Variants in DPYSL2 observed in about 807,000 individuals in gnomAD.
DPYSL2 encodes the protein dihydropyrimidinase like 2.
DPYSL2 carries 13 observed loss-of-function variants against 69.9 expected under a neutral mutation model. That is an observed-to-expected ratio of 0.19 (90% confidence interval 0.12 to 0.30). The LOEUF (loss-of-function observed/expected upper bound fraction) is 0.30. Among genes scored for constraint, DPYSL2 ranks in the 10% least tolerant of loss-of-function variants. The pLI is 1.00. For synonymous variants in DPYSL2, 326 were observed against 359.1 expected (o/e 0.91, Z 1.04); for missense variants, 587 against 918.9 (o/e 0.64, Z 4.67).
At chr8:26,631,906 G>A (rs1428440140) in intron 7 of DPYSL2, among the ~76,000 whole-genome samples, 5 of 152,184 alleles carry the variant, frequency 3.3e-5, no homozygotes, top group Non-Finnish European at 7.3e-5. Context: ...AACCCTGTGT[G>A]GGTGATAAAG....
Position 26,614,316 on chromosome 8 carries a change from G to T in DPYSL2, c.629-9827G>T, listed in dbSNP as rs1481056792. Among the ~76,000 whole-genome samples the T allele has an allele frequency of 6.6e-6, 1 of 152,080 alleles. No homozygotes were observed. The highest frequency in any genetic ancestry group is 1.5e-5 in the Non-Finnish European group (1 of 68,002). ...AGGCACTGGCAGGATGGGGGCCAGT[G>T]TGCAGTGGGCCAAGAGGGAATGGGA... On this transcript the variant is annotated intron_variant, in intron 3 of 13. Transcript: ENST00000521913. The surrounding 1 kb of genome is among the most constrained non-coding windows in gnomAD (Gnocchi z 4.9).
chr8:26,551,618 C>G (rs559779879), intron 1 of DPYSL2, among the ~76,000 whole-genome samples: 1 of 152,152 alleles, frequency 6.6e-6, no homozygotes, highest in Non-Finnish European at 1.5e-5. Flanking sequence ...CACCCAGCAA[C>G]AGTAGAATTC....
intron 1 of DPYSL2, among the ~76,000 whole-genome samples, chr8:26,563,832 G>A (rs1418501036): frequency 6.6e-6 from 1 of 151,756 alleles, no homozygotes; most frequent in Non-Finnish European, 1.5e-5. Flanking sequence ...GGCACTTAAT[G>A]TAACCTTGCT....
intron 1 of DPYSL2, chr8:26,577,918 C>G (rs968516409): frequency 1.0e-5 from 12 of 1,157,356 alleles, no homozygotes; most frequent in Non-Finnish European, 1.3e-5. Flanking sequence ...GCATGCGCCA[C>G]GGTGGCCGAC....
chr8:26,641,428 T>C lies in DPYSL2; in HGVS notation c.1127-2011T>C, dbSNP rs1389278755. On this transcript the variant is annotated intron_variant, in intron 8 of 13. Coordinates refer to ENST00000521913, the MANE Select transcript of DPYSL2 (RefSeq NM_001197293.3). This position sits in a 1 kb window ranked among gnomAD's most constrained non-coding sequence, Gnocchi z 4.1. ...CAGGAGAGTTTTGCTTAACCAGATC[T>C]GTTTGATCCTTGAACCAAAAGCGGG... 6.6e-6 allele frequency among the ~76,000 whole-genome samples: 1 copy of C among 152,212 alleles called. No individual in the cohort carries two copies. The highest frequency in any genetic ancestry group is 2.4e-5 in the African/African-American group (1 of 41,462).
At chr8:26,557,830 C>A (rs528833071) in intron 1 of DPYSL2, among the ~76,000 whole-genome samples, 2 of 151,772 alleles carry the variant, frequency 1.3e-5, no homozygotes, top group South Asian at 2.1e-4. Context: ...AATGAGATAC[C>A]ACTACACACC....
In DPYSL2 at chr8:26,605,062, G is replaced by A. The variant is rs1292124198; in HGVS notation, c.629-19081G>A. 1.3e-5 allele frequency among the ~76,000 whole-genome samples: 2 copies of A among 152,100 alleles called. No individual in the cohort carries two copies. Among genetic ancestry groups the A allele is most frequent in the Non-Finnish European group, 2.9e-5 (2 of 68,030 alleles). ...TCTCAAAGGCGTTATGTTCTGCATT[G>A]TAAATGTGCGGAAATCAGTCACCCA... On this transcript the variant is annotated intron_variant, in intron 3 of 13. Coordinates refer to ENST00000521913, the MANE Select transcript of DPYSL2 (RefSeq NM_001197293.3). The surrounding 1 kb of genome is among the most constrained non-coding windows in gnomAD (Gnocchi z 4.1).
chr8:26,553,616 T>C (rs987316169), intron 1 of DPYSL2, among the ~76,000 whole-genome samples: 1 of 152,196 alleles, frequency 6.6e-6, no homozygotes, highest in African/African-American at 2.4e-5. Context: ...ATTGTCTTTA[T>C]CCAATGTACA....
intron 3 of DPYSL2, among the ~76,000 whole-genome samples, chr8:26,608,404 A>G (rs1802155117): frequency 1.3e-5 from 2 of 152,068 alleles, no homozygotes; most frequent in African/African-American, 2.4e-5. Context: ...GTACTTTTGT[A>G]CTTAGAGGAG....
rs1293489101 is a variant in DPYSL2, at chr8:26,643,491, C to T, written c.1179C>T (p.Ser393=). Residue 393 remains serine (S), a synonymous_variant, in exon 9 of 14, where the codon TCC becomes TCT. Coordinates refer to ENST00000521913, the MANE Select transcript of DPYSL2 (RefSeq NM_001197293.3). This position sits in a 1 kb window ranked among gnomAD's most constrained non-coding sequence, Gnocchi z 6.5. ...PITASLGTDG[S]HYWSKNWAKA... ...CTGCCAGCTTGGGAACGGACGGCTC[C>T]CATTACTGGAGCAAGAACTGGGCCA... 1 of 1,612,794 alleles carries T rather than the reference C, an allele frequency of 6.2e-7. No individual in the cohort carries two copies. Among genetic ancestry groups the T allele is most frequent in the South Asian group, 1.1e-5 (1 of 90,918 alleles).
chr8:26,608,409 G>C (rs1351736678), intron 3 of DPYSL2, among the ~76,000 whole-genome samples: 2 of 152,164 alleles, frequency 1.3e-5, no homozygotes, highest in African/African-American at 4.8e-5. Context: ...TTTGTACTTA[G>C]AGGAGTTTTA....
intron 1 of DPYSL2, among the ~76,000 whole-genome samples, chr8:26,542,425 A>C (rs1383032859): frequency 6.6e-6 from 1 of 151,874 alleles, no homozygotes; most frequent in Non-Finnish European, 1.5e-5. Context: ...ATATTAAAAA[A>C]ATTTTTTTTT....
chr8:26,626,511 ACACAC>A lies in DPYSL2; in HGVS notation c.794-105_794-101del. The A allele has an allele frequency of 2.2e-6, 2 of 891,816 alleles. No individual in the cohort carries two copies. Among genetic ancestry groups the A allele is most frequent in the Non-Finnish European group, 3.6e-6 (2 of 557,142 alleles). 55.2% of individuals were successfully genotyped at this position (891,816 alleles called of 1,614,324 possible). ...CACACACACACACACACACACACAC[ACACAC>A]ACACACGTACACACACAGACAGTAT... On this transcript the variant is annotated intron_variant, in intron 4 of 13. Transcript: ENST00000521913. The surrounding 1 kb of genome is among the most constrained non-coding windows in gnomAD (Gnocchi z 4.3).
At chr8:26,542,144 C>A (rs961122272) in intron 1 of DPYSL2, among the ~76,000 whole-genome samples, 3 of 151,948 alleles carry the variant, frequency 2.0e-5, no homozygotes, top group Non-Finnish European at 4.4e-5. Flanking sequence ...AAAAATTAGC[C>A]AGGTGTGGTT....
rs560995836 is a variant in DPYSL2 at position 26,585,364 on chromosome 8, G to A, written c.628+1381G>A. On this transcript the variant is annotated intron_variant, in intron 3 of 13. Coordinates refer to ENST00000521913, the MANE Select transcript of DPYSL2 (RefSeq NM_001197293.3). This position sits in a 1 kb window ranked among gnomAD's most constrained non-coding sequence, Gnocchi z 4.0. The stretch of plus-strand genomic sequence containing the variant: ...ATCCCCTCCTAGTCTGAGTTGCCCC[G>A]CATTTTAAATCACAACTCATCCTCT... Among the ~76,000 whole-genome samples the A allele has an allele frequency of 1.3e-5, 2 of 152,044 alleles. No individual in the cohort carries two copies. Among genetic ancestry groups the A allele is most frequent in the East Asian group, 1.9e-4 (1 of 5,152 alleles).
chr8:26,536,784 G>A (rs17055432), intron 1 of DPYSL2, among the ~76,000 whole-genome samples: 1,982 of 152,278 alleles, frequency 0.013, 22 homozygotes, highest in Middle Eastern at 0.075. Flanking sequence ...CTGTAAGTAA[G>A]TCTTAAGGAA....
In DPYSL2 at chr8:26,580,983, G is replaced by A. The variant is rs562484032; in HGVS notation, c.355-986G>A. 2.6e-5 allele frequency among the ~76,000 whole-genome samples: 4 copies of A among 152,156 alleles called. No homozygotes were observed. In the South Asian group the frequency reaches 6.2e-4, roughly 24 times the overall value. On this transcript the variant is annotated intron_variant, in intron 1 of 13. Transcript: ENST00000521913. The surrounding 1 kb of genome is among the most constrained non-coding windows in gnomAD (Gnocchi z 4.1). ...TTTATTTTTTAGCATAAATATCACC[G>A]GTTAAAATATAAGTGCATCAGCAAT...
At chr8:26,603,327 C>T (rs1370121905) in intron 3 of DPYSL2, among the ~76,000 whole-genome samples, 2 of 152,086 alleles carry the variant, frequency 1.3e-5, no homozygotes, top group Non-Finnish European at 2.9e-5. Context: ...TGTCCACCAC[C>T]ACACCCGGCT....
intron 7 of DPYSL2, among the ~76,000 whole-genome samples, chr8:26,628,175 G>C (rs1280028775): frequency 1.3e-5 from 2 of 152,208 alleles, no homozygotes; most frequent in African/African-American, 4.8e-5. Context: ...TCTTCTTTCT[G>C]TCTGTAATTC....
Sources: gnomAD v4.1 joint callset for allele counts (sites outside exome capture counted in the v4.1 genomes callset) on GRCh38, gnomAD v4.1.1 for gene constraint, Gnocchi (gnomAD v3.1) non-coding constraint, MANE v1.5 for transcripts, NCBI Gene and HGNC (gene_info 2026-07-23, HGNC 2026-07-21) for gene names.